KLRG1: variants seen among roughly 807,000 people sequenced by gnomAD.
KLRG1 encodes killer cell lectin-like receptor subfamily G member 1.
In KLRG1, 16 loss-of-function variants were observed where a neutral mutation model predicts 21.8. That is an observed-to-expected ratio of 0.73 (90% CI 0.50 to 1.11). The LOEUF is 1.11. KLRG1 is among the 50% of genes most tolerant of loss of function. KLRG1 has a pLI of 0.00. For missense variants in KLRG1, 173 were observed against 218.3 expected (o/e 0.79, Z 1.31); for synonymous variants, 69 against 75.9 (o/e 0.91, Z 0.47).
chr12:9,055,540 GTAAGTGCGCA>G, the KLRG1 span: 3 of 152,244 alleles, frequency 2.0e-5, no homozygotes, highest in Non-Finnish European at 4.4e-5. Context: ...ATGAAAAGCA[GTAAGTGCGCA>G]TGGAGTAAAT....
At chr12:9,030,252 G>T in the KLRG1 span, among the ~76,000 whole-genome samples, 1 of 152,118 alleles carries the variant, frequency 6.6e-6, no homozygotes, top group Admixed American at 6.5e-5. Context: ...GGTGGCACGT[G>T]CCTCAAAGAA....
the KLRG1 span, among the ~76,000 whole-genome samples, chr12:9,030,657 C>T: frequency 1.3e-5 from 2 of 151,942 alleles, no homozygotes; most frequent in Non-Finnish European, 2.9e-5. Context: ...CTGCCCGCCT[C>T]GGCCTCCCAA....
At chr12:9,181,251 T>C in the KLRG1 span, 1 of 1,274,410 alleles carries the variant, frequency 7.8e-7, no homozygotes, top group Non-Finnish European at 1.1e-6. Context: ...GTAATGTCAG[T>C]CAGAAACCTA....
At chr12:9,164,191 A>G in the KLRG1 span, 5 of 1,610,190 alleles carry the variant, frequency 3.1e-6, no homozygotes, top group Admixed American at 1.7e-5. Context: ...CACAGATACA[A>G]TAGGATTCTT....
intron 2 of KLRG1, among the ~76,000 whole-genome samples, chr12:8,993,080 AAT>A (rs1947022363): frequency 1.2e-5 from 1 of 81,582 alleles, no homozygotes; most frequent in African/African-American, 5.0e-5. Context: ...AAACATTCTG[AAT>A]TTTTTTTTTT....
At chr12:9,117,764 C>T in the KLRG1 span, among the ~76,000 whole-genome samples, 11 of 152,072 alleles carry the variant, frequency 7.2e-5, no homozygotes, top group Non-Finnish European at 1.3e-4. Flanking sequence ...TTTAAATTTT[C>T]TAGTAACCAC....
chr12:9,206,646 T>C, the KLRG1 span, among the ~76,000 whole-genome samples: 1 of 152,216 alleles, frequency 6.6e-6, no homozygotes. Context: ...CTATTGGTTC[T>C]CTTTTGTAGT....
chr12:9,138,639 T>G, the KLRG1 span, among the ~76,000 whole-genome samples: 310 of 152,164 alleles, frequency 2.0e-3, 2 homozygotes, highest in African/African-American at 6.9e-3. Flanking sequence ...GGGTTTTTAT[T>G]TGTTAGAAGG....
At chr12:9,093,400 G>T in the KLRG1 span, 1 of 1,094,738 alleles carries the variant, frequency 9.1e-7, no homozygotes, top group Non-Finnish European at 1.4e-6. Context: ...AGAAAAACTA[G>T]CAAAGAGTTG....
the KLRG1 span, chr12:9,153,052 G>A: frequency 9.0e-4 from 1,443 of 1,604,856 alleles, no homozygotes; most frequent in Non-Finnish European, 1.1e-3. Context: ...TTCCCAGGAA[G>A]GAAGGAACAG....
chr12:9,100,615 TGA>T, the KLRG1 span, among the ~76,000 whole-genome samples: 3 of 152,032 alleles, frequency 2.0e-5, no homozygotes, highest in African/African-American at 7.2e-5. Context: ...GAAAATAGGC[TGA>T]AAAAAAAGAC....
the KLRG1 span, among the ~76,000 whole-genome samples, chr12:9,212,470 T>A: frequency 6.6e-6 from 1 of 150,936 alleles, no homozygotes; most frequent in Non-Finnish European, 1.5e-5. Context: ...CTTTTCTAGT[T>A]TTTTTATGTT....
chr12:9,191,001 T>C, the KLRG1 span, among the ~76,000 whole-genome samples: 3 of 152,140 alleles, frequency 2.0e-5, no homozygotes, highest in Admixed American at 2.0e-4. Context: ...GTGGTTAAAA[T>C]TGTTTTATGA....
At chr12:9,107,764 G>T in the KLRG1 span, 3 of 1,148,268 alleles carry the variant, frequency 2.6e-6, no homozygotes, top group African/African-American at 3.1e-5. Flanking sequence ...TCTGCTCTCT[G>T]CTGGGCTCAC....
chr12:8,983,691 G>A (rs1592256626), intron 1 of KLRG1, among the ~76,000 whole-genome samples: 3 of 152,116 alleles, frequency 2.0e-5, no homozygotes, highest in Middle Eastern at 3.2e-3. Flanking sequence ...GTGAACCGCC[G>A]TGCCTGGCCC....
chr12:9,186,076 G>A, the KLRG1 span, among the ~76,000 whole-genome samples: 1 of 151,978 alleles, frequency 6.6e-6, no homozygotes, highest in Non-Finnish European at 1.5e-5. Context: ...AAAGTGCTGG[G>A]ATTACAGGTA....
At chr12:9,159,965 C>T in the KLRG1 span, 31 of 1,613,746 alleles carry the variant, frequency 1.9e-5, no homozygotes, top group African/African-American at 6.7e-5. Flanking sequence ...CCTGCCATAT[C>T]GTTCCCCAAA....
At chr12:9,110,003 C>T in the KLRG1 span, 1 of 1,613,502 alleles carries the variant, frequency 6.2e-7, no homozygotes, top group South Asian at 1.1e-5. Context: ...ACTGGAAACT[C>T]TGCCATTGTG....
At chr12:9,195,272 G>T in the KLRG1 span, among the ~76,000 whole-genome samples, 1 of 151,870 alleles carries the variant, frequency 6.6e-6, no homozygotes, top group African/African-American at 2.4e-5. Flanking sequence ...GAAGATATTT[G>T]GTGTACGATA....
Sources: allele counts gnomAD v4.1 joint callset (sites outside exome capture counted in the v4.1 genomes callset), GRCh38; gene constraint gnomAD v4.1.1; transcripts MANE v1.5; gene names NCBI Gene and HGNC (gene_info 2026-07-23, HGNC 2026-07-21).